NCOA5: variants seen among roughly 807,000 people sequenced by gnomAD.
NCOA5 encodes NCoA-5.
In NCOA5, 12 loss-of-function variants were observed where a neutral mutation model predicts 59.0. That is an observed-to-expected ratio of 0.20 (90% CI 0.13 to 0.33). The LOEUF (loss-of-function observed/expected upper bound fraction) is 0.33, where lower values mean the gene tolerates loss of function less well. NCOA5 is among the 10% of genes least tolerant of loss of function. The pLI, the probability that NCOA5 is intolerant of heterozygous loss-of-function variation, is 1.00. For missense variants in NCOA5, 655 were observed against 766.6 expected (o/e 0.85, Z 1.72); for synonymous variants, 270 against 275.5 (o/e 0.98, Z 0.20).
chr20:46,083,497 T>C (rs1336111224), intron 1 of NCOA5, among the ~76,000 whole-genome samples: 1 of 152,200 alleles, frequency 6.6e-6, no homozygotes, highest in Non-Finnish European at 1.5e-5. Context: ...ATTCTAGAGT[T>C]GCAAATAAAA....
chr20:46,064,154 C>T (rs1214438173), intron 6 of NCOA5, among the ~76,000 whole-genome samples: 3 of 152,308 alleles, frequency 2.0e-5, no homozygotes, highest in Non-Finnish European at 2.9e-5. Flanking sequence ...CAAACTGTGA[C>T]CCTAAATAAC....
At chr20:46,081,367 C>T (rs2084990150) in intron 1 of NCOA5, among the ~76,000 whole-genome samples, 3 of 152,056 alleles carry the variant, frequency 2.0e-5, no homozygotes, top group East Asian at 1.9e-4. Flanking sequence ...TAGCCAGTTT[C>T]GTGAGCATCT....
intron 1 of NCOA5, among the ~76,000 whole-genome samples, chr20:46,083,363 G>A (rs1416424652): frequency 1.3e-5 from 2 of 152,214 alleles, no homozygotes; most frequent in East Asian, 3.8e-4. Context: ...ACTCTGAAAT[G>A]ACCAATCCGC....
At chr20:46,081,861 A>C (rs1476702841) in intron 1 of NCOA5, among the ~76,000 whole-genome samples, 3 of 152,078 alleles carry the variant, frequency 2.0e-5, no homozygotes, top group East Asian at 3.9e-4. Flanking sequence ...ACAACCACCA[A>C]CATTACTGCC....
intron 7 of NCOA5, 53 bp downstream of exon 7, chr20:46,063,307 G>T (rs753819790): frequency 1.3e-6 from 2 of 1,565,834 alleles, no homozygotes; most frequent in Non-Finnish European, 8.6e-7. Context: ...AGAGCCTGGG[G>T]ATTAGAGAAA....
chr20:46,088,909 T>C (rs1337251410), intron 1 of NCOA5, among the ~76,000 whole-genome samples: 2 of 152,058 alleles, frequency 1.3e-5, no homozygotes. Flanking sequence ...CAGATATTTA[T>C]TTTTTTTATA....
At chr20:46,082,231 CAAAG>C (rs1401977100) in intron 1 of NCOA5, among the ~76,000 whole-genome samples, 1 of 151,914 alleles carries the variant, frequency 6.6e-6, no homozygotes, top group South Asian at 2.1e-4. Context: ...GAAGAATTCC[CAAAG>C]AAAGACACAG....
intron 5 of NCOA5, 52 bp from the exon 6 acceptor site, chr20:46,065,280 T>C: frequency 3.2e-6 from 5 of 1,576,450 alleles, no homozygotes; most frequent in Non-Finnish European, 4.4e-6. Context: ...ATCTGCATCG[T>C]GTGTCTCAAG....
chr20:46,084,999 G>A (rs748568825), intron 1 of NCOA5, among the ~76,000 whole-genome samples: 1 of 152,102 alleles, frequency 6.6e-6, no homozygotes, highest in African/African-American at 2.4e-5. Flanking sequence ...TTACACATGT[G>A]GAAATGACAC....
At chr20:46,080,964 AGTTCTATTATAC>A (rs1431971965) in intron 1 of NCOA5, among the ~76,000 whole-genome samples, 2 of 152,124 alleles carry the variant, frequency 1.3e-5, no homozygotes, top group African/African-American at 4.8e-5. Context: ...GGGAATATCT[AGTTCTATTATAC>A]GTAATTGTGA....
chr20:46,085,835 G>A (rs1366547479), intron 1 of NCOA5, among the ~76,000 whole-genome samples: 1 of 152,128 alleles, frequency 6.6e-6, no homozygotes, highest in Non-Finnish European at 1.5e-5. Flanking sequence ...TCTCAATGAA[G>A]CCAAATTAAC....
rs2084851204 is a variant in NCOA5, at chr20:46,068,779, T to C, written c.366-141A>G. On this transcript the variant is annotated intron_variant, in intron 3 of 7. Coordinates refer to ENST00000290231, the MANE Select transcript of NCOA5 (RefSeq NM_020967.3). ...ATCAGCTCTGTGGCTGTGATAGAGT[T>C]AACCTGTCTCACTGAGATGATGTAC... The C allele has an allele frequency of 8.1e-6, 6 of 736,610 alleles. No individual in the cohort carries two copies. In the East Asian group the frequency reaches 1.7e-4, roughly 20 times the overall value. The allele number at this position is 736,610 out of a possible 1,614,324, so 45.6% of individuals were successfully genotyped here. A position where few individuals can be genotyped will look rare whatever the true frequency, so the allele number is the denominator to read the frequency against.
intron 5 of NCOA5, among the ~76,000 whole-genome samples, chr20:46,066,106 T>C (rs758827639): frequency 3.9e-5 from 6 of 152,154 alleles, no homozygotes; most frequent in Non-Finnish European, 8.8e-5. Flanking sequence ...ATTTCCCTAG[T>C]CACTGCCTTG....
At chr20:46,067,318 T>C in intron 4 of NCOA5, 137 bp from the exon 5 acceptor site, 1 of 1,063,746 alleles carries the variant, frequency 9.4e-7, no homozygotes, top group Non-Finnish European at 1.3e-6. Context: ...TATTAATATT[T>C]TTTACTATTA....
intron 1 of NCOA5, among the ~76,000 whole-genome samples, chr20:46,080,606 T>C (rs2084982734): frequency 6.6e-6 from 1 of 152,202 alleles, no homozygotes; most frequent in Non-Finnish European, 1.5e-5. Flanking sequence ...AGAGATTTTA[T>C]GCTGCTATTT....
intron 2 of NCOA5, among the ~76,000 whole-genome samples, chr20:46,075,299 G>T (rs939368464): frequency 6.6e-6 from 1 of 152,202 alleles, no homozygotes; most frequent in African/African-American, 2.4e-5. Context: ...GCTGAGAACT[G>T]ATGACTTCTT....
intron 4 of NCOA5, 117 bp from the exon 5 acceptor site, chr20:46,067,298 A>C: frequency 8.4e-7 from 1 of 1,189,728 alleles, no homozygotes; most frequent in South Asian, 1.7e-5. Flanking sequence ...TATCTCCTAA[A>C]AACAGCCAGT....
At chr20:46,085,298 A>G (rs1352714337) in intron 1 of NCOA5, among the ~76,000 whole-genome samples, 1 of 151,800 alleles carries the variant, frequency 6.6e-6, no homozygotes, top group Non-Finnish European at 1.5e-5. Context: ...AAGTGTTGGG[A>G]TTATAGGCAT....
At chr20:46,088,561 G>C (rs113253402) in intron 1 of NCOA5, among the ~76,000 whole-genome samples, 5,308 of 152,184 alleles carry the variant, frequency 0.035, 100 homozygotes, top group Middle Eastern at 0.11. Flanking sequence ...AGCATTTGTA[G>C]AAACATCTTT....
Sources: allele counts gnomAD v4.1 joint callset (sites outside exome capture counted in the v4.1 genomes callset), GRCh38; gene constraint gnomAD v4.1.1; transcripts MANE v1.5; gene names NCBI Gene and HGNC (gene_info 2026-07-23, HGNC 2026-07-21).